Variants in OPCML observed in about 807,000 individuals in gnomAD.
OPCML encodes opioid-binding protein/cell adhesion molecule.
In OPCML, 13 loss-of-function variants were observed where a neutral mutation model predicts 37.8. The ratio of observed to expected loss-of-function variants is 0.34; its 90% CI spans 0.22 to 0.55. OPCML has a LOEUF of 0.55. OPCML is among the 20% of genes least tolerant of loss of function. OPCML has a pLI of 0.91. For missense variants in OPCML, 341 were observed against 435.6 expected (o/e 0.78, Z 1.93); for synonymous variants, 176 against 168.8 (o/e 1.04, Z -0.33).
At chr11:132,783,177 C>A (rs1051697075) in intron 2 of OPCML, among the ~76,000 whole-genome samples, 1 of 152,000 alleles carries the variant, frequency 6.6e-6, no homozygotes, top group Non-Finnish European at 1.5e-5. Flanking sequence ...AAGTCCCTAT[C>A]TTCTTATGTG....
At chr11:133,223,984 C>G (rs772978982) in intron 1 of OPCML, among the ~76,000 whole-genome samples, 1 of 152,054 alleles carries the variant, frequency 6.6e-6, no homozygotes, top group Non-Finnish European at 1.5e-5. Context: ...GGTTTTGGCC[C>G]GAGTGTATTT....
chr11:133,158,725 A>C lies in OPCML; in HGVS notation c.62-215715T>G, dbSNP rs927413582. On this transcript the variant is annotated intron_variant, in intron 1 of 7. Transcript: ENST00000524381. ...AAATAAAATTAAAAAAATAAAATAA[A>C]ATAAAATAAAATAAAATAAAATAAA... 1.3e-4 allele frequency among the ~76,000 whole-genome samples: 20 copies of C among 148,882 alleles called. No individual in the cohort carries two copies. In the East Asian group the frequency reaches 3.3e-3, roughly 25 times the overall value.
intron 2 of OPCML, among the ~76,000 whole-genome samples, chr11:132,939,583 G>A (rs147765868): frequency 3.9e-5 from 6 of 152,122 alleles, no homozygotes; most frequent in South Asian, 4.1e-4. Context: ...CCATCTCACC[G>A]CAGCCCCTCA....
chr11:132,484,329 A>G (rs1409065505), intron 4 of OPCML, among the ~76,000 whole-genome samples: 1 of 152,232 alleles, frequency 6.6e-6, no homozygotes, highest in Non-Finnish European at 1.5e-5. Flanking sequence ...GCTCACCATC[A>G]CTGGCCATCA....
chr11:133,119,871 A>G lies in OPCML; in HGVS notation c.62-176861T>C, dbSNP rs112040538. 2.3e-3 allele frequency among the ~76,000 whole-genome samples: 346 copies of G among 152,248 alleles called. 2 individuals carry two copies. Among genetic ancestry groups the G allele is most frequent in the Admixed American group, 5.4e-3 (82 of 15,286 alleles). On this transcript the variant is annotated intron_variant, in intron 1 of 7. Coordinates refer to ENST00000524381, the MANE Select transcript of OPCML (RefSeq NM_001012393.5). ...GTGGGCGGTGGAGCAGGTAGCGGGA[A>G]AGGTGAGCGGGAAAGGGCAGGTAGG...
intron 1 of OPCML, among the ~76,000 whole-genome samples, chr11:133,108,437 G>A (rs1277685315): frequency 6.6e-6 from 1 of 152,142 alleles, no homozygotes; most frequent in Non-Finnish European, 1.5e-5. Flanking sequence ...CACTAAAATT[G>A]CAATCAACAA....
chr11:133,131,663 T>C (rs550056676), intron 1 of OPCML, among the ~76,000 whole-genome samples: 1 of 152,196 alleles, frequency 6.6e-6, no homozygotes, highest in African/African-American at 2.4e-5. Flanking sequence ...CACCCTTAGG[T>C]ATTTACCTAA....
intron 1 of OPCML, among the ~76,000 whole-genome samples, chr11:133,137,572 A>T (rs374175753): frequency 2.0e-5 from 3 of 152,256 alleles, no homozygotes; most frequent in South Asian, 2.1e-4. Flanking sequence ...ATTGCTTCTG[A>T]TATCTTTAGG....
chr11:133,260,546 G>A (rs1025270003), intron 1 of OPCML, among the ~76,000 whole-genome samples: 5 of 152,046 alleles, frequency 3.3e-5, no homozygotes, highest in African/African-American at 1.2e-4. Context: ...GAGTGGGAGT[G>A]GAGATCTAAG....
intron 2 of OPCML, among the ~76,000 whole-genome samples, chr11:132,778,780 T>A (rs1021212074): frequency 6.6e-6 from 1 of 152,104 alleles, no homozygotes; most frequent in African/African-American, 2.4e-5. Flanking sequence ...AAAAGATATG[T>A]CCAAAGTCAT....
At chr11:133,027,220 G>A (rs1278273299) in intron 1 of OPCML, among the ~76,000 whole-genome samples, 3 of 152,216 alleles carry the variant, frequency 2.0e-5, no homozygotes, top group East Asian at 1.9e-4. Flanking sequence ...AGCAAACTGA[G>A]ATGGTTGGTT....
chr11:132,509,996 T>C (rs1196186333), intron 4 of OPCML, among the ~76,000 whole-genome samples: 3 of 152,092 alleles, frequency 2.0e-5, no homozygotes, highest in African/African-American at 7.2e-5. Flanking sequence ...GTGAAAGCAG[T>C]TGGGAGGGAA....
At chr11:132,558,711 C>T (rs1323395312) in intron 3 of OPCML, among the ~76,000 whole-genome samples, 1 of 151,620 alleles carries the variant, frequency 6.6e-6, no homozygotes, top group Admixed American at 6.6e-5. Flanking sequence ...TACAGCTGAT[C>T]TAACCATAAG....
chr11:132,996,510 C>G (rs1004181783), intron 1 of OPCML, among the ~76,000 whole-genome samples: 2 of 150,918 alleles, frequency 1.3e-5, no homozygotes, highest in Middle Eastern at 3.2e-3. Context: ...TACTCGGAAG[C>G]CTGAGACAAA....
intron 1 of OPCML, among the ~76,000 whole-genome samples, chr11:133,269,764 A>G (rs1941770205): frequency 6.6e-6 from 1 of 152,198 alleles, no homozygotes; most frequent in Admixed American, 6.5e-5. Flanking sequence ...CTAGGGAAGC[A>G]TTATCGATAA....
chr11:132,742,688 T>G (rs1442597909), intron 2 of OPCML, among the ~76,000 whole-genome samples: 1 of 149,854 alleles, frequency 6.7e-6, no homozygotes, highest in East Asian at 1.9e-4. Context: ...TTTTATATAC[T>G]TTTTATAATA....
intron 3 of OPCML, among the ~76,000 whole-genome samples, chr11:132,598,215 C>T (rs73041760): frequency 0.11 from 17,113 of 152,120 alleles, 1,619 homozygotes; most frequent in African/African-American, 0.24. Context: ...CCCGTATTAG[C>T]AATTGCCAAC....
intron 2 of OPCML, among the ~76,000 whole-genome samples, chr11:132,933,332 C>T (rs1041527351): frequency 4.6e-5 from 7 of 152,182 alleles, no homozygotes; most frequent in African/African-American, 1.7e-4. Flanking sequence ...GGGGAGAAAG[C>T]AGACATTCCT....
intron 1 of OPCML, among the ~76,000 whole-genome samples, chr11:133,172,182 G>T (rs1008706380): frequency 1.3e-5 from 2 of 152,116 alleles, no homozygotes; most frequent in Admixed American, 6.5e-5. Context: ...GTGGTACCAA[G>T]CACCTACTCC....
Sources: gnomAD v4.1 joint callset for allele counts (sites outside exome capture counted in the v4.1 genomes callset) on GRCh38, gnomAD v4.1.1 for gene constraint, MANE v1.5 for transcripts, NCBI Gene and HGNC (gene_info 2026-07-23, HGNC 2026-07-21) for gene names.